The following KIAA1755 variants were observed in gnomAD, a reference collection of about 807,000 sequenced individuals.
KIAA1755 encodes uncharacterized protein KIAA1755.
A neutral mutation model predicts 91.7 loss-of-function variants in KIAA1755; 68 were observed. The ratio of observed to expected loss-of-function variants is 0.74; its 90% CI spans 0.61 to 0.91. The LOEUF (loss-of-function observed/expected upper bound fraction) is 0.91. KIAA1755 is among the 40% of genes least tolerant of loss of function. KIAA1755 has a pLI of 0.00. For synonymous variants in KIAA1755, 610 were observed against 604.6 expected (o/e 1.01, Z -0.13); for missense variants, 1,535 against 1,494.4 (o/e 1.03, Z -0.45).
At position 38,223,628 on chromosome 20, in the gene KIAA1755, G is replaced by A; in HGVS notation, c.2178C>T (p.Asp726=). 1.2e-6 allele frequency: 2 copies of A among 1,605,616 alleles called. No homozygotes were observed. The highest frequency in any genetic ancestry group is 1.7e-6 in the Non-Finnish European group (2 of 1,176,630). Residue 726 remains aspartate (D), a synonymous_variant, in exon 9 of 14, where the codon GAC becomes GAT. Coordinates refer to ENST00000279024, the MANE Select transcript of KIAA1755 (RefSeq NM_001029864.2). ...TEWVHFFQKL[D]PFLADLHQAS... is the part of the protein sequence containing the mutation. The stretch of plus-strand genomic sequence containing the variant: ...CCTGGTGGAGGTCAGCAAGGAAAGG[G>A]TCCAGCTTCTGCAGGACAGAGGACC...
Position 38,239,726 on chromosome 20 carries a change from C to A in KIAA1755, c.1550-1G>T. 2 of 1,611,274 alleles carry A rather than the reference C, an allele frequency of 1.2e-6. No homozygotes were observed. The highest frequency in any genetic ancestry group is 1.7e-6 in the Non-Finnish European group (2 of 1,179,952). On this transcript the variant is annotated splice_acceptor_variant, in intron 3 of 13. Transcript: ENST00000279024. LOFTEE classifies it high-confidence loss of function. ...GATGTTTTGGTCTGAGTTGTTCCAG[C>A]TGGGAAAAAGCAACAACAAAGAAAA...
In KIAA1755 at chr20:38,240,446, C is replaced by T. The variant is rs938791912; in HGVS notation, c.1549+136G>A. 7 of 828,022 alleles carry T rather than the reference C, an allele frequency of 8.5e-6. No individual in the cohort carries two copies. In the African/African-American group the frequency reaches 1.2e-4, roughly 15 times the overall value. 51.3% of individuals were successfully genotyped at this position (828,022 alleles called of 1,614,324 possible). ...ACACATGAGACTTCAAGCCCCTTAA[C>T]ATGCCACACTGTATACTAAACCCCT... On this transcript the variant is annotated intron_variant, in intron 3 of 13. Transcript: ENST00000279024.
At chr20:38,224,985 A>G (rs1035439057) in intron 8 of KIAA1755, among the ~76,000 whole-genome samples, 7 of 151,878 alleles carry the variant, frequency 4.6e-5, no homozygotes, top group Non-Finnish European at 8.8e-5. Flanking sequence ...CTGTAAATTT[A>G]TTTTATTTTA....
At chr20:38,258,193 G>A (rs1037278444) in intron 1 of KIAA1755, among the ~76,000 whole-genome samples, 19 of 152,178 alleles carry the variant, frequency 1.2e-4, no homozygotes, top group African/African-American at 3.9e-4. Context: ...GAGCCACTGC[G>A]CCCGGCTTAG....
chr20:38,214,575 G>C (rs1230108626), intron 13 of KIAA1755, among the ~76,000 whole-genome samples: 1 of 152,200 alleles, frequency 6.6e-6, no homozygotes, highest in Non-Finnish European at 1.5e-5. Context: ...TAGCAAGTCA[G>C]GGAGGAGCTG....
At chr20:38,252,628 G>T (rs1271430984) in intron 1 of KIAA1755, among the ~76,000 whole-genome samples, 3 of 152,162 alleles carry the variant, frequency 2.0e-5, no homozygotes, top group Non-Finnish European at 2.9e-5. Context: ...GATCCCAGCT[G>T]CCTGTCCTTC....
chr20:38,247,132 TCACCC>T (rs968374424), intron 1 of KIAA1755, among the ~76,000 whole-genome samples: 4 of 152,116 alleles, frequency 2.6e-5, no homozygotes, highest in African/African-American at 9.7e-5. Flanking sequence ...CTCGTCTGCC[TCACCC>T]CAGCCATTTT....
chr20:38,229,399 C>T (rs537355888), intron 5 of KIAA1755, among the ~76,000 whole-genome samples: 1 of 152,326 alleles, frequency 6.6e-6, no homozygotes, highest in Non-Finnish European at 1.5e-5. Context: ...CAGAAAGGCC[C>T]AGTGGCAGAT....
intron 4 of KIAA1755, among the ~76,000 whole-genome samples, chr20:38,238,395 C>T (rs2075995839): frequency 6.6e-6 from 1 of 152,222 alleles, no homozygotes; most frequent in Admixed American, 6.5e-5. Flanking sequence ...GACAATCAGT[C>T]TCCAGAAAGC....
intron 1 of KIAA1755, among the ~76,000 whole-genome samples, chr20:38,259,527 G>C (rs2076401084): frequency 1.8e-5 from 2 of 108,914 alleles, no homozygotes; most frequent in Admixed American, 1.1e-4. Context: ...GTGTGTGTGT[G>C]TGTGAGAGAG....
At chr20:38,216,792 CAGG>C in intron 13 of KIAA1755, 1 of 461,614 alleles carries the variant, frequency 2.2e-6, no homozygotes, top group Non-Finnish European at 4.3e-6. Context: ...GAAGTGCTCA[CAGG>C]AGGTCTGGCA....
intron 1 of KIAA1755, among the ~76,000 whole-genome samples, chr20:38,254,703 T>G (rs1162935096): frequency 6.6e-6 from 1 of 151,968 alleles, no homozygotes; most frequent in African/African-American, 2.4e-5. Context: ...GAAGGATCGC[T>G]TAAGCCCAGG....
chr20:38,225,608 T>C (rs772423339), intron 8 of KIAA1755, 57 bp downstream of exon 8: 2 of 1,040,026 alleles, frequency 1.9e-6, no homozygotes, highest in East Asian at 4.7e-5. Context: ...GACAGAAGAG[T>C]GAAGAGAAGA....
At chr20:38,260,237 G>A in intron 1 of KIAA1755, 1 of 1,528,814 alleles carries the variant, frequency 6.5e-7, no homozygotes, top group Non-Finnish European at 8.8e-7. Flanking sequence ...CTAGGGGTTG[G>A]GGAATATTAA....
At chr20:38,252,425 A>G (rs2076266163) in intron 1 of KIAA1755, among the ~76,000 whole-genome samples, 1 of 152,082 alleles carries the variant, frequency 6.6e-6, no homozygotes, top group South Asian at 2.1e-4. Flanking sequence ...AGCCCACACA[A>G]CGATGCCAGG....
chr20:38,219,451 T>C lies in KIAA1755; in HGVS notation c.2556+179A>G, dbSNP rs1010123825. 5.3e-5 allele frequency among the ~76,000 whole-genome samples: 8 copies of C among 152,342 alleles called. No homozygotes were observed. In the South Asian group the frequency reaches 8.3e-4, roughly 16 times the overall value. On this transcript the variant is annotated intron_variant, in intron 11 of 13. Transcript: ENST00000279024. ...TATGTTTTCACCCACTGAGCACTTATTGAGCACCAGGTCATGTGCTACGCC... is the reference window on the plus strand; with the variant it reads ...TATGTTTTCACCCACTGAGCACTTACTGAGCACCAGGTCATGTGCTACGCC...
intron 1 of KIAA1755, among the ~76,000 whole-genome samples, chr20:38,257,547 CTACAGCCTGGG>C (rs2076359148): frequency 1.4e-5 from 2 of 144,358 alleles, no homozygotes; most frequent in Non-Finnish European, 1.5e-5. Context: ...TCCCACTGCA[CTACAGCCTGGG>C]CAATAGAGCG....
chr20:38,215,564 T>G (rs567165646), intron 13 of KIAA1755, among the ~76,000 whole-genome samples: 1 of 151,986 alleles, frequency 6.6e-6, no homozygotes, highest in South Asian at 2.1e-4. Flanking sequence ...AGAACCAGAG[T>G]GGGCAGTCAG....
intron 11 of KIAA1755, among the ~76,000 whole-genome samples, chr20:38,218,885 T>G (rs1186026207): frequency 6.6e-6 from 1 of 152,120 alleles, no homozygotes; most frequent in African/African-American, 2.4e-5. Flanking sequence ...AGTGGTAAAA[T>G]GGGGTAGACA....
Sources: allele counts gnomAD v4.1 joint callset (sites outside exome capture counted in the v4.1 genomes callset), GRCh38; gene constraint gnomAD v4.1.1; transcripts MANE v1.5; gene names NCBI Gene and HGNC (gene_info 2026-07-23, HGNC 2026-07-21).